The following EDN1 variants were observed in gnomAD, a reference collection of about 807,000 sequenced individuals.
The protein encoded by EDN1 is endothelin-1.
EDN1 carries 11 observed loss-of-function variants against 21.7 expected under a neutral mutation model. That is an observed-to-expected ratio of 0.51 (90% CI 0.32 to 0.84). The LOEUF is 0.84. Ranked by LOEUF, EDN1 falls within the 40% of genes least tolerant of loss-of-function variation. The pLI is 0.03. For synonymous variants in EDN1, 85 were observed against 90.6 expected (o/e 0.94, Z 0.35); for missense variants, 244 against 262.3 (o/e 0.93, Z 0.48).
the EDN1 span, among the ~76,000 whole-genome samples, chr6:12,241,180 T>TTTA: frequency 1.3e-5 from 2 of 151,084 alleles, no homozygotes; most frequent in Non-Finnish European, 3.0e-5. Flanking sequence ...TTTTTTTTTT[T>TTTA]ATTGAGATGG....
the EDN1 span, among the ~76,000 whole-genome samples, chr6:12,260,786 T>C: frequency 2.6e-5 from 4 of 152,172 alleles, no homozygotes; most frequent in Non-Finnish European, 5.9e-5. Context: ...ATCAGGTGTG[T>C]TAGCAAATTA....
chr6:12,252,328 A>G, the EDN1 span, among the ~76,000 whole-genome samples: 1 of 152,248 alleles, frequency 6.6e-6, no homozygotes, highest in Non-Finnish European at 1.5e-5. Context: ...AAGAGGATAA[A>G]GAAAAGAACA....
chr6:12,281,106 G>A, the EDN1 span, among the ~76,000 whole-genome samples: 494 of 152,234 alleles, frequency 3.2e-3, 4 homozygotes, highest in African/African-American at 0.011. Context: ...TCAAAACCAT[G>A]TCTACATTCC....
the EDN1 span, among the ~76,000 whole-genome samples, chr6:12,231,798 T>C: frequency 2.0e-5 from 3 of 152,152 alleles, no homozygotes; most frequent in African/African-American, 7.2e-5. Flanking sequence ...TAATTTTTCT[T>C]TATAATAAGC....
rs779053288 is a variant in EDN1, at chr6:12,294,272, T to G, written c.401T>G (p.Ile134Ser). Residue 134 changes from isoleucine to serine, a missense_variant, in exon 4 of 5, where the codon ATT becomes AGT. Ile to Ser is a moderately radical substitution (Grantham distance 142). Transcript: ENST00000379375. The stretch of plus-strand genomic sequence containing the variant: ...GTGTATTTTAACAGGGCTGAAGACA[T>G]TATGGAGAAAGACTGGAATAATCAT... Reference protein sequence around the residue: ...QAGKELRAEDIMEKDWNNHKK... With the variant: ...QAGKELRAEDSMEKDWNNHKK... The G allele has an allele frequency of 6.2e-7, 1 of 1,614,100 alleles. No homozygotes were observed.
chr6:12,281,225 T>C, the EDN1 span, among the ~76,000 whole-genome samples: 1 of 152,206 alleles, frequency 6.6e-6, no homozygotes, highest in Non-Finnish European at 1.5e-5. Flanking sequence ...TTTGATATTG[T>C]TTCACCCCAG....
the EDN1 span, among the ~76,000 whole-genome samples, chr6:12,278,080 G>T: frequency 1.3e-5 from 2 of 152,274 alleles, no homozygotes; most frequent in African/African-American, 4.8e-5. Flanking sequence ...TCGTTTACTG[G>T]AACATTTATT....
chr6:12,272,534 T>C, the EDN1 span, among the ~76,000 whole-genome samples: 2,882 of 148,996 alleles, frequency 0.019, 106 homozygotes, highest in African/African-American at 0.067. Flanking sequence ...CTTGGTTCAC[T>C]GCAACCTGCA....
chr6:12,242,842 A>T, the EDN1 span, among the ~76,000 whole-genome samples: 1 of 152,082 alleles, frequency 6.6e-6, no homozygotes, highest in Admixed American at 6.5e-5. Flanking sequence ...AACCATTATG[A>T]TTCTCATGAA....
At chr6:12,251,074 A>C in the EDN1 span, among the ~76,000 whole-genome samples, 1 of 152,236 alleles carries the variant, frequency 6.6e-6, no homozygotes. Context: ...ATTAGAGGAG[A>C]TACCACCTTA....
At chr6:12,272,022 T>A in the EDN1 span, among the ~76,000 whole-genome samples, 2 of 152,200 alleles carry the variant, frequency 1.3e-5, no homozygotes, top group Non-Finnish European at 2.9e-5. Flanking sequence ...CATAAATGAC[T>A]AAGCTAGAAA....
rs201943749 is a variant in EDN1 at position 12,290,633 on chromosome 6, G to C, written c.4G>C (p.Asp2His). The change falls in exon 1 of 5, where the codon GAT becomes CAT. Residue 2 changes from aspartate (D) to histidine (H), a missense_variant. Physicochemically the swap from Asp to His is moderately conservative, Grantham distance 81. Transcript: ENST00000379375. MDYLLMIFSLLF... is the reference protein window; with the variant it reads MHYLLMIFSLLF... ...TTTTTGATCCCTTTTTTTCAGAATG[G>C]ATTATTTGCTCATGATTTTCTCTCT... The C allele has an allele frequency of 1.5e-5, 24 of 1,614,154 alleles. No individual in the cohort carries two copies. Among genetic ancestry groups the C allele is most frequent in the Non-Finnish European group, 1.5e-5 (18 of 1,180,012 alleles).
upstream of EDN1, among the ~76,000 whole-genome samples, chr6:12,289,137 G>T (rs923168504): frequency 1.3e-5 from 2 of 152,116 alleles, no homozygotes; most frequent in Non-Finnish European, 2.9e-5. Context: ...TGTACTTCAG[G>T]GGGGGATTTC....
chr6:12,278,444 C>T, the EDN1 span, among the ~76,000 whole-genome samples: 1 of 152,176 alleles, frequency 6.6e-6, no homozygotes, highest in African/African-American at 2.4e-5. Flanking sequence ...AATAACACTG[C>T]TGGGACCCAT....
At chr6:12,244,837 T>C in the EDN1 span, among the ~76,000 whole-genome samples, 3 of 152,250 alleles carry the variant, frequency 2.0e-5, no homozygotes, top group African/African-American at 7.2e-5. Flanking sequence ...TGAGAGCCGC[T>C]GCTCTAGGGT....
upstream of EDN1, among the ~76,000 whole-genome samples, chr6:12,288,276 A>G (rs548463389): frequency 6.6e-6 from 1 of 151,276 alleles, no homozygotes; most frequent in Admixed American, 6.6e-5. Context: ...CTGCCAAGAC[A>G]TATTTCCCAG....
At chr6:12,287,712 T>TCTCACACA (rs1380647005), upstream of EDN1, among the ~76,000 whole-genome samples, 2 of 103,050 alleles carry the variant, frequency 1.9e-5, no homozygotes, top group Non-Finnish European at 3.8e-5. Flanking sequence ...TCTCTCTCTC[T>TCTCACACA]CACACACACA....
chr6:12,233,721 A>G, the EDN1 span, among the ~76,000 whole-genome samples: 2 of 152,168 alleles, frequency 1.3e-5, no homozygotes, highest in Non-Finnish European at 2.9e-5. Flanking sequence ...TTACATACAG[A>G]GCCTCATGAC....
chr6:12,237,286 G>C, the EDN1 span, among the ~76,000 whole-genome samples: 1 of 152,086 alleles, frequency 6.6e-6, no homozygotes, highest in Admixed American at 6.5e-5. Flanking sequence ...AATTAGGCCA[G>C]TATTTCTTAA....
Sources: gnomAD v4.1 joint callset for allele counts (sites outside exome capture counted in the v4.1 genomes callset) on GRCh38, gnomAD v4.1.1 for gene constraint, MANE v1.5 for transcripts, NCBI Gene and HGNC (gene_info 2026-07-23, HGNC 2026-07-21) for gene names.